The following DACH2 variants were observed in gnomAD, a reference collection of about 807,000 sequenced individuals.
DACH2 encodes dachshund homolog 2.
In DACH2, 17 loss-of-function variants were observed where a neutral mutation model predicts 35.8. The observed-to-expected ratio is 0.48, with a 90% confidence interval of 0.33 to 0.71. The LOEUF is 0.71. DACH2 is among the 30% of genes least tolerant of loss of function. The pLI is 0.02. For missense variants in DACH2, 469 were observed against 472.7 expected (o/e 0.99, Z 0.07); for synonymous variants, 195 against 177.3 (o/e 1.10, Z -0.79).
At chrX:86,410,341 G>A (rs975302547) in intron 2 of DACH2, among the ~76,000 whole-genome samples, 1 of 112,073 alleles carries the variant, frequency 8.9e-6, no homozygotes, top group Non-Finnish European at 1.9e-5. Context: ...AATTATTTAT[G>A]CTAAATAATC....
intron 1 of DACH2, among the ~76,000 whole-genome samples, chrX:86,343,489 A>G (rs1447406112): frequency 9.0e-6 from 1 of 111,656 alleles, no homozygotes; most frequent in East Asian, 2.8e-4. Context: ...TTACATGCAT[A>G]GAGTCTTCTA....
intron 1 of DACH2, among the ~76,000 whole-genome samples, chrX:86,187,227 G>T (rs184377569): frequency 1.8e-3 from 198 of 111,134 alleles, no homozygotes; most frequent in Non-Finnish European, 2.9e-3. Context: ...CCTACTTGAA[G>T]ATTATAATTG....
intron 1 of DACH2, among the ~76,000 whole-genome samples, chrX:86,155,742 A>G (rs1253794112): frequency 9.0e-6 from 1 of 111,354 alleles, no homozygotes; most frequent in Non-Finnish European, 1.9e-5. Flanking sequence ...TTTTAGATGT[A>G]GATCCTCTTT....
chrX:86,589,186 T>G (rs1015873511), intron 3 of DACH2, among the ~76,000 whole-genome samples: 4 of 111,626 alleles, frequency 3.6e-5, no homozygotes, highest in Non-Finnish European at 7.5e-5. Flanking sequence ...TTTGTTAATC[T>G]AACTATTGAT....
intron 1 of DACH2, among the ~76,000 whole-genome samples, chrX:86,276,616 T>A (rs1218109048): frequency 9.0e-6 from 1 of 111,626 alleles, no homozygotes; most frequent in African/African-American, 3.3e-5. Flanking sequence ...CAGACCAATG[T>A]CCTGGAGATT....
At position 86,706,939 on chromosome X, in the gene DACH2, A is replaced by G. The variant is rs77004972; in HGVS notation, c.932-7609A>G. Among the ~76,000 whole-genome samples, 36 of 110,778 alleles carry G rather than the reference A, an allele frequency of 3.2e-4. No individual in the cohort carries two copies. The East Asian group carries it at 9.6e-3, about 29-fold the overall frequency. On this transcript the variant is annotated intron_variant, in intron 5 of 11. Coordinates refer to ENST00000373125, the MANE Select transcript of DACH2 (RefSeq NM_053281.3). The stretch of plus-strand genomic sequence containing the variant: ...TAACCAAAGCTTCCACCTTAGGAAA[A>G]TAAAAAGATAAAAAATTAAATCTAA...
intron 1 of DACH2, among the ~76,000 whole-genome samples, chrX:86,213,327 G>A (rs183291412): frequency 1.8e-5 from 2 of 111,056 alleles, no homozygotes; most frequent in East Asian, 2.8e-4. Context: ...TTTCCCAATA[G>A]TACTGCTTCT....
intron 1 of DACH2, among the ~76,000 whole-genome samples, chrX:86,337,349 G>C (rs1012547363): frequency 8.9e-6 from 1 of 112,204 alleles, no homozygotes; most frequent in Non-Finnish European, 1.9e-5. Context: ...TACCCATAAA[G>C]GGAAGCCTAT....
intron 2 of DACH2, among the ~76,000 whole-genome samples, chrX:86,457,833 C>G (rs2037502743): frequency 8.9e-6 from 1 of 111,752 alleles, no homozygotes; most frequent in Non-Finnish European, 1.9e-5. Flanking sequence ...GTAGAGGGAA[C>G]AGCCAGTACA....
At chrX:86,727,072 G>A (rs192998275) in intron 6 of DACH2, among the ~76,000 whole-genome samples, 79 of 112,252 alleles carry the variant, frequency 7.0e-4, no homozygotes, top group African/African-American at 2.4e-3. Context: ...CTTAGTTGAA[G>A]TCACCAGGTC....
intron 2 of DACH2, among the ~76,000 whole-genome samples, chrX:86,501,415 A>G (rs966505253): frequency 2.7e-5 from 3 of 112,112 alleles, no homozygotes; most frequent in Non-Finnish European, 5.6e-5. Context: ...GGATAAGTTA[A>G]ACACAGCCAT....
intron 2 of DACH2, among the ~76,000 whole-genome samples, chrX:86,509,049 G>A (rs193047800): frequency 9.0e-6 from 1 of 111,519 alleles, no homozygotes; most frequent in African/African-American, 3.3e-5. Flanking sequence ...TTTAATGCAT[G>A]ACCCATTGAC....
intron 2 of DACH2, among the ~76,000 whole-genome samples, chrX:86,493,501 A>G (rs2038123692): frequency 8.9e-6 from 1 of 111,942 alleles, no homozygotes; most frequent in Non-Finnish European, 1.9e-5. Context: ...TAACTGCCAA[A>G]TTATTAGGCA....
chrX:86,413,054 C>A (rs1419772433), intron 2 of DACH2, among the ~76,000 whole-genome samples: 1 of 111,556 alleles, frequency 9.0e-6, no homozygotes, highest in Non-Finnish European at 1.9e-5. Flanking sequence ...AATATCTCGA[C>A]AGGCCCCATA....
intron 2 of DACH2, among the ~76,000 whole-genome samples, chrX:86,460,565 C>T (rs2037553862): frequency 9.0e-6 from 1 of 110,668 alleles, no homozygotes; most frequent in Non-Finnish European, 1.9e-5. Flanking sequence ...TCGATTCTAA[C>T]ATATATAGCA....
At chrX:86,722,638 T>A (rs776963311) in intron 6 of DACH2, among the ~76,000 whole-genome samples, 1 of 111,858 alleles carries the variant, frequency 8.9e-6, no homozygotes, top group Non-Finnish European at 1.9e-5. Flanking sequence ...GCTGAGATTA[T>A]CACATTTATT....
chrX:86,505,376 C>A (rs759636644), intron 2 of DACH2, among the ~76,000 whole-genome samples: 8 of 111,772 alleles, frequency 7.2e-5, no homozygotes, highest in Admixed American at 4.8e-4. Context: ...GTGCTGCAGA[C>A]CACTGGAAAT....
chrX:86,149,041 G>A lies in DACH2; in HGVS notation c.421G>A (p.Val141Ile). ...LRGLGAIQPG[V>I]NRCKLITRKD... ...CGGGCTGGGGGCCATCCAGCCCGGGGTAAACCGCTGCAAACTCATCACCAG... is the reference window on the plus strand; with the variant it reads ...CGGGCTGGGGGCCATCCAGCCCGGGATAAACCGCTGCAAACTCATCACCAG... The change falls in exon 1 of 12, where the codon GTA (valine) becomes ATA (isoleucine). Residue 141 changes from valine (V) to isoleucine (I), a missense_variant. This residue lies in a region of DACH2 where 7 missense variants were observed against 24.1 expected (regional missense o/e 0.29). Coordinates refer to ENST00000373125, the MANE Select transcript of DACH2 (RefSeq NM_053281.3). The A allele has an allele frequency of 1.7e-6, 2 of 1,204,589 alleles. No individual in the cohort carries two copies. The highest frequency in any genetic ancestry group is 2.2e-6 in the Non-Finnish European group (2 of 891,448).
At chrX:86,656,661 T>C (rs780987525) in intron 4 of DACH2, among the ~76,000 whole-genome samples, 49 of 108,506 alleles carry the variant, frequency 4.5e-4, no homozygotes, top group African/African-American at 1.6e-3. Flanking sequence ...AGATTAGACC[T>C]GATCTGACCT....
Sources: gnomAD v4.1 joint callset for allele counts (sites outside exome capture counted in the v4.1 genomes callset) on GRCh38, gnomAD v4.1.1 for gene constraint, gnomAD v4.1.1 regional missense constraint, MANE v1.5 for transcripts, NCBI Gene and HGNC (gene_info 2026-07-23, HGNC 2026-07-21) for gene names.